The following COBL variants were observed in gnomAD, a reference collection of about 807,000 sequenced individuals.
COBL encodes the protein cordon-bleu WH2 repeat protein, also known as protein cordon-bleu.
A neutral mutation model predicts 98.8 loss-of-function variants in COBL; 51 were observed. The observed-to-expected ratio is 0.52, with a 90% confidence interval of 0.41 to 0.65. The LOEUF (loss-of-function observed/expected upper bound fraction) is 0.65. Ranked by LOEUF, COBL falls within the 30% of genes least tolerant of loss-of-function variation. COBL has a pLI of 0.00. For synonymous variants in COBL, 634 were observed against 651.7 expected (o/e 0.97, Z 0.41); for missense variants, 1,617 against 1,617.5 (o/e 1.00, Z 0.01).
At chr7:51,206,722 G>C (rs111359502) in intron 2 of COBL, among the ~76,000 whole-genome samples, 6 of 152,186 alleles carry the variant, frequency 3.9e-5, no homozygotes, top group Non-Finnish European at 7.3e-5. Flanking sequence ...TGCCACGTGT[G>C]ACAACATGGA....
chr7:51,027,030 A>G (rs1023461404), intron 10 of COBL, among the ~76,000 whole-genome samples: 50 of 151,888 alleles, frequency 3.3e-4, no homozygotes, highest in African/African-American at 1.1e-3. Flanking sequence ...ATGGCAGACC[A>G]CTCCTGCTAT....
intron 6 of COBL, among the ~76,000 whole-genome samples, chr7:51,108,678 T>C (rs1796539485): frequency 6.6e-6 from 1 of 152,132 alleles, no homozygotes; most frequent in Non-Finnish European, 1.5e-5. Context: ...GCAGATGATC[T>C]TACCCCATAA....
chr7:51,298,867 G>C (rs1191209533), intron 1 of COBL, among the ~76,000 whole-genome samples: 1 of 152,160 alleles, frequency 6.6e-6, no homozygotes, highest in Non-Finnish European at 1.5e-5. Context: ...TGACATCGAA[G>C]CTCTGAGGTC....
intron 6 of COBL, among the ~76,000 whole-genome samples, chr7:51,098,800 C>T (rs1795542640): frequency 6.6e-6 from 1 of 151,960 alleles, no homozygotes; most frequent in Admixed American, 6.5e-5. Flanking sequence ...ACAAAGGAAA[C>T]AATCAACAGA....
At chr7:51,157,127 T>C (rs1418933627) in intron 5 of COBL, among the ~76,000 whole-genome samples, 1 of 152,132 alleles carries the variant, frequency 6.6e-6, no homozygotes, top group Non-Finnish European at 1.5e-5. Flanking sequence ...TCCTAGCGCT[T>C]TGAAAGGCCG....
chr7:51,019,184 T>G lies in COBL; in HGVS notation c.3769-1616A>C, dbSNP rs577082795. Among the ~76,000 whole-genome samples the G allele has an allele frequency of 2.0e-4, 31 of 151,712 alleles. No individual in the cohort carries two copies. The South Asian group carries it at 6.3e-3, about 31-fold the overall frequency. ...CTTGTGTGCTCCCAAATTCACATGC[T>G]GAAATCCCAACCTCCAAGATGGTGG... is the stretch of plus-strand genomic sequence containing the variant. On this transcript the variant is annotated intron_variant, in intron 12 of 12. Transcript: ENST00000265136.
At chr7:51,146,388 G>C (rs982888301) in intron 5 of COBL, among the ~76,000 whole-genome samples, 16 of 152,176 alleles carry the variant, frequency 1.1e-4, no homozygotes, top group Non-Finnish European at 1.8e-4. Flanking sequence ...TGACTGCAGG[G>C]AGGGGCTGCC....
intron 6 of COBL, among the ~76,000 whole-genome samples, 170 bp from the exon 7 acceptor site, chr7:51,085,474 G>C (rs559060395): frequency 6.6e-6 from 1 of 152,210 alleles, no homozygotes; most frequent in Non-Finnish European, 1.5e-5. Context: ...ACACAGGCAG[G>C]GGAGGCCATG....
rs575846348 is a variant in COBL, at chr7:51,253,280, C to T, written c.42-33336G>A. Among the ~76,000 whole-genome samples the T allele has an allele frequency of 5.3e-5, 8 of 152,206 alleles. No homozygotes were observed. The East Asian group carries it at 1.5e-3, about 29-fold the overall frequency. ...CTTCTGAATTTATTAAGGTGACATT[C>T]TCTCTATTTGAGTAACACTTCAGAC... On this transcript the variant is annotated intron_variant, in intron 1 of 12. Coordinates refer to ENST00000265136, the MANE Select transcript of COBL (RefSeq NM_015198.5).
chr7:51,062,830 G>T (rs540201842), intron 7 of COBL, among the ~76,000 whole-genome samples: 1 of 152,300 alleles, frequency 6.6e-6, no homozygotes, highest in African/African-American at 2.4e-5. Flanking sequence ...TCCCGGCTCA[G>T]CTGTCCTGGA....
chr7:51,039,914 G>A (rs1313413388), intron 8 of COBL, among the ~76,000 whole-genome samples: 2 of 152,162 alleles, frequency 1.3e-5, no homozygotes, highest in African/African-American at 4.8e-5. Context: ...GTAACCCACA[G>A]GGTGACAGTT....
chr7:51,110,791 G>A (rs560565729), intron 6 of COBL, among the ~76,000 whole-genome samples: 1 of 152,300 alleles, frequency 6.6e-6, no homozygotes, highest in Admixed American at 6.5e-5. Context: ...TACGATGTTT[G>A]GTTTTCCATT....
intron 1 of COBL, among the ~76,000 whole-genome samples, chr7:51,232,521 A>AAC (rs1794844597): frequency 6.6e-6 from 1 of 152,138 alleles, no homozygotes; most frequent in Non-Finnish European, 1.5e-5. Flanking sequence ...CTTAAGAAAT[A>AAC]ACAATCAGGG....
Position 51,156,258 on chromosome 7 carries a change from T to C in COBL, c.784-19927A>G, listed in dbSNP as rs896689098. On this transcript the variant is annotated intron_variant, in intron 5 of 12. Transcript: ENST00000265136. The stretch of plus-strand genomic sequence containing the variant: ...CAAATTAATTCCTTTCTTACCCTTT[T>C]ATTTTTCTTGTTGTGGTTCTTTTCC... 3.0e-6 allele frequency: 3 copies of C among 985,082 alleles called. No homozygotes were observed. The African/African-American group carries it at 5.2e-5, about 17-fold the overall frequency. 61.0% of individuals were successfully genotyped at this position (985,082 alleles called of 1,614,324 possible).
At chr7:51,245,063 C>A (rs1239240185) in intron 1 of COBL, among the ~76,000 whole-genome samples, 1 of 152,178 alleles carries the variant, frequency 6.6e-6, no homozygotes, top group Non-Finnish European at 1.5e-5. Flanking sequence ...GCCCTACACC[C>A]AATGTCCCAA....
chr7:51,297,235 G>C (rs919513851), intron 1 of COBL, among the ~76,000 whole-genome samples: 5 of 152,080 alleles, frequency 3.3e-5, no homozygotes, highest in African/African-American at 1.2e-4. Flanking sequence ...GTATAGTCCA[G>C]ACAGGGCAAT....
intron 1 of COBL, among the ~76,000 whole-genome samples, chr7:51,263,154 A>G (rs934420596): frequency 1.3e-5 from 2 of 152,182 alleles, no homozygotes; most frequent in African/African-American, 2.4e-5. Flanking sequence ...GCCACCCGCA[A>G]GCCGAGGGTG....
intron 1 of COBL, among the ~76,000 whole-genome samples, chr7:51,304,420 T>G (rs985931872): frequency 6.6e-6 from 1 of 152,212 alleles, no homozygotes; most frequent in East Asian, 1.9e-4. Context: ...GTTTACAACA[T>G]CCACTGAAAA....
rs117811723 is a variant in COBL at position 51,292,455 on chromosome 7, T to C, written c.41+24138A>G. ...TGATAAAGACATTAAAAAACGTCCA[T>C]CAGAAGCTGGAAAAACATAATTCAG... On this transcript the variant is annotated intron_variant, in intron 1 of 12. Transcript: ENST00000265136. 3.0e-3 allele frequency among the ~76,000 whole-genome samples: 464 copies of C among 152,356 alleles called. 1 individual carries two copies. The highest frequency in any genetic ancestry group is 4.9e-3 in the Non-Finnish European group (331 of 68,032).
Sources: gnomAD v4.1 joint callset for allele counts (sites outside exome capture counted in the v4.1 genomes callset) on GRCh38, gnomAD v4.1.1 for gene constraint, MANE v1.5 for transcripts, NCBI Gene and HGNC (gene_info 2026-07-23, HGNC 2026-07-21) for gene names.